The following HNMT variants were observed in gnomAD, a reference collection of about 807,000 sequenced individuals.
HNMT encodes the protein histamine N-methyltransferase.
In HNMT, 30 loss-of-function variants were observed where a neutral mutation model predicts 32.1. That is an observed-to-expected ratio of 0.93 (90% CI 0.70 to 1.27). The LOEUF is 1.27. Ranked by LOEUF, HNMT falls within the 50% of genes most tolerant of loss-of-function variation. The pLI is 0.00. For synonymous variants in HNMT, 125 were observed against 119.0 expected, an observed-to-expected ratio of 1.05 and a Z score of -0.33; for missense variants, 327 against 346.0, an observed-to-expected ratio of 0.95 and a Z score of 0.43.
rs996349898 is a variant in HNMT at position 138,014,400 on chromosome 2, G to A, written c.*270G>A. On this transcript the variant is annotated 3_prime_UTR_variant, in exon 6 of 6. Transcript: ENST00000280097. Reference sequence around the variant, plus strand: ...AAAATTAGATGACTGAATTTCTATGGCATATTGATAATAAAATTCATTCCA... The same window carrying A: ...AAAATTAGATGACTGAATTTCTATGACATATTGATAATAAAATTCATTCCA... The A allele has an allele frequency of 3.1e-4, 94 of 306,078 alleles. 1 individual carries two copies. The Admixed American group carries it at 4.2e-3, about 14-fold the overall frequency. The allele number at this position is 306,078 out of a possible 1,614,324, so 19.0% of individuals were successfully genotyped here. A position where few individuals can be genotyped will look rare whatever the true frequency, so the allele number is the denominator to read the frequency against.
intron 5 of HNMT, among the ~76,000 whole-genome samples, chr2:138,011,704 C>A (rs1681509190): frequency 6.6e-6 from 1 of 152,094 alleles, no homozygotes; most frequent in African/African-American, 2.4e-5. Flanking sequence ...TATCTCAAGA[C>A]ATTTAATCCT....
chr2:137,970,747 T>C (rs943451383), intron 2 of HNMT, among the ~76,000 whole-genome samples: 2 of 151,654 alleles, frequency 1.3e-5, no homozygotes, highest in African/African-American at 2.4e-5. Context: ...GGTGAAACCC[T>C]GTCTCTATTA....
intron 2 of HNMT, among the ~76,000 whole-genome samples, chr2:137,990,152 C>T (rs182794038): frequency 6.2e-4 from 94 of 152,248 alleles, no homozygotes; most frequent in African/African-American, 2.1e-3. Flanking sequence ...TTTAAAAAGT[C>T]ATCGCCGTAC....
chr2:138,013,857 TG>T lies in HNMT; in HGVS notation c.607del (p.Asp203ThrfsTer9). On this transcript the variant is annotated frameshift_variant, in exon 6 of 6. Coordinates refer to ENST00000280097, the MANE Select transcript of HNMT (RefSeq NM_006895.3). LOFTEE classifies it high-confidence loss of function. ...DDLCQYITSD[D>X]LTQMLDNLGL... Reference sequence around the variant, plus strand: ...ACCTCTGCCAGTATATCACATCAGATGACCTCACTCAGATGCTGGACAACCT... The same window carrying T: ...ACCTCTGCCAGTATATCACATCAGATACCTCACTCAGATGCTGGACAACCT... 1 of 1,613,756 alleles carries T rather than the reference TG, an allele frequency of 6.2e-7. No homozygotes were observed. Among genetic ancestry groups the T allele is most frequent in the Non-Finnish European group, 8.5e-7 (1 of 1,179,776 alleles).
chr2:137,981,898 G>C (rs1680512349), intron 2 of HNMT, among the ~76,000 whole-genome samples: 1 of 150,328 alleles, frequency 6.7e-6, no homozygotes, highest in Admixed American at 6.6e-5. Context: ...CTGTCACCCA[G>C]GTTGGAGTGC....
At chr2:138,006,402 C>T (rs2104982550) in intron 5 of HNMT, among the ~76,000 whole-genome samples, 1 of 152,054 alleles carries the variant, frequency 6.6e-6, no homozygotes, top group African/African-American at 2.4e-5. Flanking sequence ...TATTTTTTAT[C>T]TTAGAATATA....
rs11558538 is a variant in HNMT, at chr2:138,002,079, C to T, written c.314C>T (p.Thr105Ile). Reference sequence around the variant, plus strand: ...TGTATTTTAGAGCTTGTAGCCAAGACATCGAACCTCGAGAACGTAAAGTTT... The same window carrying T: ...TGTATTTTAGAGCTTGTAGCCAAGATATCGAACCTCGAGAACGTAAAGTTT... ...IAKYKELVAK[T>I]SNLENVKFAW... The change falls in exon 4 of 6, where the codon ACA (threonine) becomes ATA (isoleucine). Residue 105 changes from threonine (T) to isoleucine (I), a missense_variant. Physicochemically the swap from Thr to Ile is moderately conservative, Grantham distance 89. Transcript: ENST00000280097. 163,058 of 1,585,920 alleles carry T rather than the reference C, an allele frequency of 0.1. 9,188 individuals carry two copies. The highest frequency in any genetic ancestry group is 0.11 in the Middle Eastern group (675 of 5,916).
chr2:137,969,423 A>T (rs994370969), intron 1 of HNMT, among the ~76,000 whole-genome samples: 14 of 151,982 alleles, frequency 9.2e-5, no homozygotes, highest in African/African-American at 3.4e-4. Flanking sequence ...ATTCGTATTT[A>T]TTTTTTTTAA....
At chr2:137,982,068 C>T (rs1045629236) in intron 2 of HNMT, among the ~76,000 whole-genome samples, 3 of 152,170 alleles carry the variant, frequency 2.0e-5, no homozygotes, top group East Asian at 3.9e-4. Context: ...AGGCTGGTCA[C>T]GAACTCCTGG....
In HNMT at chr2:138,013,833, C is replaced by A. The variant is rs537674138; in HGVS notation, c.582C>A (p.Asp194Glu). 6 of 1,613,684 alleles carry A rather than the reference C, an allele frequency of 3.7e-6. 1 individual carries two copies. The South Asian group carries it at 6.6e-5, about 18-fold the overall frequency. Residue 194 changes from aspartate (D) to glutamate (E), a missense_variant, in exon 6 of 6, where the codon GAC becomes GAA. By Grantham distance (45) the Asp-to-Glu change is conservative (BLOSUM62 2). Coordinates refer to ENST00000280097, the MANE Select transcript of HNMT (RefSeq NM_006895.3). ...ACGGATCACGCTTTCCCCAGGATGA[C>A]CTCTGCCAGTATATCACATCAGATG... ...KKYGSRFPQD[D>E]LCQYITSDDL...
At chr2:138,007,683 G>A (rs898365977) in intron 5 of HNMT, among the ~76,000 whole-genome samples, 6 of 151,916 alleles carry the variant, frequency 3.9e-5, no homozygotes, top group Non-Finnish European at 8.8e-5. Context: ...CCCAAATCTT[G>A]CATGTGCTGC....
At chr2:137,975,548 T>C (rs886149111) in intron 2 of HNMT, among the ~76,000 whole-genome samples, 1 of 152,190 alleles carries the variant, frequency 6.6e-6, no homozygotes, top group Non-Finnish European at 1.5e-5. Context: ...CAGGAGAGAT[T>C]AGGTACTTAG....
chr2:137,995,615 G>T (rs544792054), intron 2 of HNMT, among the ~76,000 whole-genome samples: 1 of 152,268 alleles, frequency 6.6e-6, no homozygotes, highest in East Asian at 1.9e-4. Context: ...CATTCCTTCA[G>T]ATACTATTAC....
At chr2:137,970,330 G>A (rs1393350724) in intron 2 of HNMT, 113 bp downstream of exon 2, 24 of 549,164 alleles carry the variant, frequency 4.4e-5, no homozygotes, top group East Asian at 3.6e-4. Flanking sequence ...GGAAGAGATC[G>A]GCTTATTAAA....
chr2:138,001,213 C>T (rs771583532), intron 3 of HNMT, among the ~76,000 whole-genome samples, 188 bp downstream of exon 3: 1 of 152,148 alleles, frequency 6.6e-6, no homozygotes, highest in Non-Finnish European at 1.5e-5. Context: ...ATAATAAACT[C>T]CCTTTTCTAT....
In HNMT at chr2:137,967,060, A is replaced by G. The variant is rs553302691; in HGVS notation, c.137+2432A>G. 7.7e-6 allele frequency: 6 copies of G among 780,438 alleles called. No individual in the cohort carries two copies. In the Admixed American group the frequency reaches 1.0e-4, roughly 13 times the overall value. 48.3% of individuals were successfully genotyped at this position (780,438 alleles called of 1,614,324 possible). On this transcript the variant is annotated intron_variant, in intron 1 of 5. Transcript: ENST00000280097. ...AACTCTATACTGAAAATGGTTTTGT[A>G]TAATAGATCTAAAGGTACTTTTCCA...
At chr2:137,970,300 G>A in intron 2 of HNMT, 83 bp downstream of exon 2, 1 of 792,414 alleles carries the variant, frequency 1.3e-6, no homozygotes, top group Non-Finnish European at 2.0e-6. Flanking sequence ...TTTTTAGGAA[G>A]ACTTTTTTTT....
chr2:137,981,431 C>T, intron 2 of HNMT: 3 of 1,443,808 alleles, frequency 2.1e-6, no homozygotes, highest in Non-Finnish European at 1.9e-6. Flanking sequence ...ATGAAGCCTA[C>T]TAGATCACAC....
chr2:137,969,020 C>A (rs1354279810), intron 1 of HNMT, among the ~76,000 whole-genome samples: 3 of 152,196 alleles, frequency 2.0e-5, no homozygotes, highest in Admixed American at 6.5e-5. Context: ...CCATTGCCAT[C>A]TGACTTCAGT....
Sources: allele counts gnomAD v4.1 joint callset (sites outside exome capture counted in the v4.1 genomes callset), GRCh38; gene constraint gnomAD v4.1.1; transcripts MANE v1.5; gene names NCBI Gene and HGNC (gene_info 2026-07-23, HGNC 2026-07-21).